ANKMY1: variants seen among roughly 807,000 people sequenced by gnomAD.
ANKMY1 encodes ankyrin repeat and MYND domain containing 1, also known as ankyrin repeat and MYND domain-containing protein 1.
Under a neutral mutation model 102.0 loss-of-function variants are expected in ANKMY1, and 98 were observed. The observed-to-expected ratio is 0.96, with a 90% CI of 0.82 to 1.14. ANKMY1 has a LOEUF of 1.14. ANKMY1 is among the 50% of genes most tolerant of loss of function. ANKMY1 has a pLI of 0.00. For synonymous variants in ANKMY1, 582 were observed against 559.9 expected (o/e 1.04, Z -0.56); for missense variants, 1,330 against 1,347.6 (o/e 0.99, Z 0.20).
chr2:240,494,560 C>G (rs1192574772), intron 15 of ANKMY1, among the ~76,000 whole-genome samples: 1 of 152,144 alleles, frequency 6.6e-6, no homozygotes, highest in Non-Finnish European at 1.5e-5. Flanking sequence ...TTCCATAATA[C>G]TCCACAGTCC....
At chr2:240,519,434 A>G (rs569851932) in intron 9 of ANKMY1, among the ~76,000 whole-genome samples, 3 of 152,352 alleles carry the variant, frequency 2.0e-5, no homozygotes, top group African/African-American at 7.2e-5. Flanking sequence ...GCTTGCTGTC[A>G]TACTTCCATC....
chr2:240,469,724 A>C, the ANKMY1 span, among the ~76,000 whole-genome samples: 2 of 152,068 alleles, frequency 1.3e-5, no homozygotes, highest in African/African-American at 4.8e-5. Context: ...ACACAAGCAC[A>C]CATATCCATA....
chr2:240,472,086 G>A, the ANKMY1 span, among the ~76,000 whole-genome samples: 2 of 151,976 alleles, frequency 1.3e-5, no homozygotes, highest in African/African-American at 4.8e-5. Flanking sequence ...GTCTGAGTTA[G>A]GCCACAAAAT....
At chr2:240,541,075 C>T (rs2088632495) in intron 4 of ANKMY1, among the ~76,000 whole-genome samples, 1 of 152,206 alleles carries the variant, frequency 6.6e-6, no homozygotes, top group Non-Finnish European at 1.5e-5. Flanking sequence ...GTTCAACAAG[C>T]CCAACTGACT....
chr2:240,488,978 C>A (rs2076348970), intron 15 of ANKMY1, among the ~76,000 whole-genome samples: 2 of 152,096 alleles, frequency 1.3e-5, no homozygotes, highest in African/African-American at 4.8e-5. Context: ...TTGCCTGATT[C>A]CTCTGGCTAG....
Position 240,524,068 on chromosome 2 carries a change from A to G in ANKMY1, c.1649T>C (p.Leu550Pro). ...DVLGNTDRGS[L>P]CSAETKFESN... ...CTCAAATTTCGTCTCAGCACTGCAC[A>G]GACTGCCCCGGTCTGTGTTTCCCAA... Residue 550 changes from leucine to proline, a missense_variant, in exon 8 of 18, where the codon CTG becomes CCG. Transcript: ENST00000401804. 6.2e-7 allele frequency: 1 copy of G among 1,614,092 alleles called. No individual in the cohort carries two copies. The highest frequency in any genetic ancestry group is 1.1e-5 in the South Asian group (1 of 91,092).
chr2:240,535,752 A>G (rs956496017), intron 4 of ANKMY1, among the ~76,000 whole-genome samples: 2 of 152,120 alleles, frequency 1.3e-5, no homozygotes, highest in Non-Finnish European at 2.9e-5. Flanking sequence ...TTTGGGCAAG[A>G]TTTTTAAAAA....
At chr2:240,515,275 A>G (rs187000879) in intron 9 of ANKMY1, among the ~76,000 whole-genome samples, 77 of 152,290 alleles carry the variant, frequency 5.1e-4, no homozygotes, top group Non-Finnish European at 8.5e-4. Context: ...GGTATCTCAC[A>G]CCTGTAATCC....
chr2:240,482,686 C>T (rs2075556437), intron 15 of ANKMY1, among the ~76,000 whole-genome samples: 1 of 152,234 alleles, frequency 6.6e-6, no homozygotes, highest in African/African-American at 2.4e-5. Flanking sequence ...TTTCTATTCT[C>T]TTAACATGAT....
chr2:240,481,069 A>T lies in ANKMY1; in HGVS notation c.2914T>A (p.Cys972Ser). ...QIPFFKFCYQ[C>S]GRSIGVRLLP... ...AGGCGGACCCCGATGGAGCGGCCAC[A>T]CTGGTAGCAGAACTTGAAGAAGGGA... is the stretch of plus-strand genomic sequence containing the variant. Residue 972 changes from cysteine (C) to serine (S), a missense_variant, in exon 17 of 18, where the codon TGT (cysteine) becomes AGT (serine). By Grantham distance (112) the Cys-to-Ser change is moderately radical. Coordinates refer to ENST00000401804, the MANE Select transcript of ANKMY1 (RefSeq NM_001282771.3). 1.2e-6 allele frequency: 2 copies of T among 1,612,570 alleles called. No individual in the cohort carries two copies. Among genetic ancestry groups the T allele is most frequent in the Non-Finnish European group, 8.5e-7 (1 of 1,178,790 alleles).
chr2:240,540,410 G>T (rs1053930332), intron 4 of ANKMY1, among the ~76,000 whole-genome samples: 2 of 152,130 alleles, frequency 1.3e-5, no homozygotes, highest in Admixed American at 1.3e-4. Flanking sequence ...TGACCCTTCT[G>T]GTCTTAAAGC....
chr2:240,524,514 C>T, intron 7 of ANKMY1, 133 bp from the exon 8 acceptor site: 1 of 996,362 alleles, frequency 1.0e-6, no homozygotes, highest in Non-Finnish European at 1.4e-6. Context: ...AAGACCAGGG[C>T]AGCTTTCCCC....
chr2:240,510,633 G>A (rs560280995), intron 11 of ANKMY1, among the ~76,000 whole-genome samples: 3 of 152,100 alleles, frequency 2.0e-5, no homozygotes, highest in East Asian at 1.9e-4. Context: ...CCCCTTTCCC[G>A]CAGTCTTGCT....
At chr2:240,548,130 C>A (rs2090796135) in intron 4 of ANKMY1, among the ~76,000 whole-genome samples, 1 of 152,120 alleles carries the variant, frequency 6.6e-6, no homozygotes, top group Non-Finnish European at 1.5e-5. Flanking sequence ...TACTGCCAAA[C>A]CGAATCCAGC....
chr2:240,552,685 C>G (rs2091726908), intron 4 of ANKMY1: 1 of 597,860 alleles, frequency 1.7e-6, no homozygotes, highest in Non-Finnish European at 2.9e-6. Flanking sequence ...TTTCTTAAAT[C>G]TAAAGGACAT....
At chr2:240,512,548 G>A (rs995967095) in intron 10 of ANKMY1, among the ~76,000 whole-genome samples, 2 of 152,230 alleles carry the variant, frequency 1.3e-5, no homozygotes, top group African/African-American at 4.8e-5. Context: ...GGACCCCCAC[G>A]CCCTGTGGAC....
chr2:240,528,772 A>T (rs190059606), intron 5 of ANKMY1, among the ~76,000 whole-genome samples: 1 of 152,204 alleles, frequency 6.6e-6, no homozygotes, highest in Admixed American at 6.5e-5. Flanking sequence ...TCCTGTCCCC[A>T]AGAGTGGGCA....
At chr2:240,542,880 TTTAA>T (rs1320716529) in intron 4 of ANKMY1, among the ~76,000 whole-genome samples, 1 of 150,478 alleles carries the variant, frequency 6.6e-6, no homozygotes, top group African/African-American at 2.4e-5. Context: ...AAGTAAATTA[TTTAA>T]TTACTTAAGT....
intron 8 of ANKMY1, 106 bp downstream of exon 8, chr2:240,523,779 G>C: frequency 2.0e-6 from 3 of 1,477,558 alleles, no homozygotes; most frequent in Non-Finnish European, 2.7e-6. Context: ...CACATCTCCA[G>C]ACACAACGCC....
Sources: gnomAD v4.1 joint callset for allele counts (sites outside exome capture counted in the v4.1 genomes callset) on GRCh38, gnomAD v4.1.1 for gene constraint, MANE v1.5 for transcripts, NCBI Gene and HGNC (gene_info 2026-07-23, HGNC 2026-07-21) for gene names.